Variants in PRH2 observed in about 807,000 individuals in gnomAD.
PRH2 encodes salivary acidic proline-rich phosphoprotein 1/2.
A neutral mutation model predicts 22.6 loss-of-function variants in PRH2; 19 were observed. That is an observed-to-expected ratio of 0.84 (90% CI 0.59 to 1.23). The LOEUF (loss-of-function observed/expected upper bound fraction) is 1.23, where lower values mean the gene tolerates loss of function less well. Among genes scored for constraint, PRH2 ranks in the 50% most tolerant of loss-of-function variants. The probability of loss-of-function intolerance (pLI) is 0.00; values close to 1 mark genes in which losing one functional copy is unlikely to be tolerated. For synonymous variants in PRH2, 45 were observed against 72.0 expected, an observed-to-expected ratio of 0.63 and a Z score of 1.90; for missense variants, 109 against 203.0, an observed-to-expected ratio of 0.54 and a Z score of 2.81.
At chr12:10,931,201 G>C (rs1430079502) in intron 3 of PRH2, 121 bp downstream of exon 3, 5 of 1,525,274 alleles carry the variant, frequency 3.3e-6, no homozygotes, top group Non-Finnish European at 4.4e-6. Context: ...CATTTCTCAT[G>C]AGTTTTGTTC....
chr12:10,931,047 G>C lies in PRH2; in HGVS notation c.486G>C (p.Gly162=), dbSNP rs1293819404. 6.3e-7 allele frequency: 1 copy of C among 1,585,456 alleles called. No homozygotes were observed. The highest frequency in any genetic ancestry group is 8.6e-7 in the Non-Finnish European group (1 of 1,169,480). The change falls in exon 3 of 4, where the codon GGG becomes GGC. Residue 162 remains glycine, a synonymous_variant. Transcript: ENST00000396400. The part of the protein sequence containing the change: ...QGGRPQGPPQ[G]QSPQ ...GCCGCCCACAAGGACCTCCACAGGG[G>C]CAGTCTCCTCAGTAATCTAGGATTC...
At chr12:10,930,525 C>G (rs1256874434) in intron 2 of PRH2, 137 bp from the exon 3 acceptor site, 2 of 1,502,360 alleles carry the variant, frequency 1.3e-6, no homozygotes, top group Non-Finnish European at 1.8e-6. Flanking sequence ...AATTAGGAAG[C>G]CTTGGGAAGG....
intron 3 of PRH2, among the ~76,000 whole-genome samples, 166 bp from the exon 4 acceptor site, chr12:10,932,060 G>A (rs1950221354): frequency 6.6e-6 from 1 of 152,152 alleles, no homozygotes; most frequent in African/African-American, 2.4e-5. Context: ...TACGTGCAAT[G>A]GCATAGAAAG....
Position 10,934,139 on chromosome 12 carries a change from C to T in PRH2, c.*1932C>T, listed in dbSNP as rs1950252632. On this transcript the variant is annotated 3_prime_UTR_variant, in exon 4 of 4. Coordinates refer to ENST00000396400, the MANE Select transcript of PRH2 (RefSeq NM_001110213.1). ...AGGCCTAGTCTTCGAATTTTTAATG[C>T]CATTGTGATAGCAAGCATCTGATTA... 6.6e-6 allele frequency among the ~76,000 whole-genome samples: 1 copy of T among 152,096 alleles called. No homozygotes were observed. The highest frequency in any genetic ancestry group is 6.5e-5 in the Admixed American group (1 of 15,274).
chr12:10,929,907 C>G (rs912359068), intron 1 of PRH2, among the ~76,000 whole-genome samples: 5 of 152,066 alleles, frequency 3.3e-5, no homozygotes, highest in Non-Finnish European at 5.9e-5. Flanking sequence ...TCTGGTGGCT[C>G]CTGTTGAGAA....
Position 10,930,267 on chromosome 12 carries a change from A to G in PRH2, c.65-2A>G. Reference sequence around the variant, plus strand: ...TCCCATCATCCTGTACTTCTTTTCTAGATGTCAGCCAAGAAGACGTTCCCT... The same window carrying G: ...TCCCATCATCCTGTACTTCTTTTCTGGATGTCAGCCAAGAAGACGTTCCCT... On this transcript the variant is annotated splice_acceptor_variant, in intron 1 of 3. Coordinates refer to ENST00000396400, the MANE Select transcript of PRH2 (RefSeq NM_001110213.1). LOFTEE classifies it high-confidence loss of function. 1 of 1,612,888 alleles carries G rather than the reference A, an allele frequency of 6.2e-7. No homozygotes were observed. The highest frequency in any genetic ancestry group is 8.5e-7 in the Non-Finnish European group (1 of 1,178,856).
intron 3 of PRH2, 190 bp downstream of exon 3, chr12:10,931,270 C>G (rs1950208952): frequency 8.0e-7 from 1 of 1,244,106 alleles, no homozygotes; most frequent in Non-Finnish European, 1.1e-6. Context: ...GAAGGCAATT[C>G]CAATTTTGAG....
In PRH2 at chr12:10,932,569, A is replaced by C; in HGVS notation, c.*362A>C. Among the ~76,000 whole-genome samples, 1 of 152,222 alleles carries C rather than the reference A, an allele frequency of 6.6e-6. No homozygotes were observed. Among genetic ancestry groups the C allele is most frequent in the Admixed American group, 6.5e-5 (1 of 15,282 alleles). On this transcript the variant is annotated 3_prime_UTR_variant, in exon 4 of 4. Coordinates refer to ENST00000396400, the MANE Select transcript of PRH2 (RefSeq NM_001110213.1). ...TCCTGATAGTCTAGTCAGCTTATGA[A>C]TGTAAGCAAAACAGGACCAATGAAA...
In PRH2 at chr12:10,932,328, T is replaced by G; in HGVS notation, c.*121T>G. 1 of 348,024 alleles carries G rather than the reference T, an allele frequency of 2.9e-6. No individual in the cohort carries two copies. Among genetic ancestry groups the G allele is most frequent in the African/African-American group, 2.0e-5 (1 of 48,902 alleles). 21.6% of individuals were successfully genotyped at this position (348,024 alleles called of 1,614,324 possible). A position where few individuals can be genotyped will look rare whatever the true frequency, so the allele number is the denominator to read the frequency against. On this transcript the variant is annotated 3_prime_UTR_variant, in exon 4 of 4. Transcript: ENST00000396400. The stretch of plus-strand genomic sequence containing the variant: ...AAAATAATCAGCTTGCAATTTCTGA[T>G]TATAGCATCTCCTTCTGAGTGTTTG...
chr12:10,930,583 G>A (rs1319208396), intron 2 of PRH2, 79 bp from the exon 3 acceptor site: 2 of 1,585,028 alleles, frequency 1.3e-6, no homozygotes, highest in Non-Finnish European at 1.7e-6. Context: ...GGGGCCGGCC[G>A]TGTGGTGAAG....
At position 10,934,121 on chromosome 12, in the gene PRH2, G is replaced by A. The variant is rs1299414761; in HGVS notation, c.*1914G>A. 6.6e-6 allele frequency among the ~76,000 whole-genome samples: 1 copy of A among 152,110 alleles called. No individual in the cohort carries two copies. Among genetic ancestry groups the A allele is most frequent in the Non-Finnish European group, 1.5e-5 (1 of 67,984 alleles). On this transcript the variant is annotated 3_prime_UTR_variant, in exon 4 of 4. Transcript: ENST00000396400. ...ATTCACAAAGGAACCAAAAGGCCTA[G>A]TCTTCGAATTTTTAATGCCATTGTG...
At chr12:10,930,339 C>G (rs1263596514) in intron 2 of PRH2, 35 bp downstream of exon 2, 1 of 1,598,204 alleles carries the variant, frequency 6.3e-7, no homozygotes, top group African/African-American at 1.3e-5. Context: ...AACTCTGTCT[C>G]CATTTTTCCC....
chr12:10,932,123 CA>C, intron 3 of PRH2, 102 bp from the exon 4 acceptor site: 1 of 335,230 alleles, frequency 3.0e-6, no homozygotes, highest in Non-Finnish European at 6.7e-6. Context: ...GGATAGAGGG[CA>C]AAAGGATGGT....
rs945655086 is a variant in PRH2, at chr12:10,933,447, A to G, written c.*1240A>G. Among the ~76,000 whole-genome samples the G allele has an allele frequency of 7.2e-5, 11 of 152,170 alleles. No individual in the cohort carries two copies. The East Asian group carries it at 2.1e-3, about 29-fold the overall frequency. ...CAAGTTCTTGAAAAAAAATTTTTTG[A>G]TATGACTACTCTAACAGTAATAACT... is the stretch of plus-strand genomic sequence containing the variant. On this transcript the variant is annotated 3_prime_UTR_variant, in exon 4 of 4. Transcript: ENST00000396400.
chr12:10,931,305 C>G, intron 3 of PRH2: 3 of 960,328 alleles, frequency 3.1e-6, no homozygotes, highest in Non-Finnish European at 4.5e-6. Flanking sequence ...AATTACCTCT[C>G]TTAAATAGGG....
intron 2 of PRH2, 122 bp downstream of exon 2, chr12:10,930,426 T>A (rs1175935572): frequency 1.4e-6 from 2 of 1,473,244 alleles, no homozygotes; most frequent in East Asian, 2.3e-5. Flanking sequence ...CCCAGAGATA[T>A]AAACAGTTTT....
At chr12:10,929,520 T>C (rs1211757154) in intron 1 of PRH2, among the ~76,000 whole-genome samples, 183 bp downstream of exon 1, 2 of 152,112 alleles carry the variant, frequency 1.3e-5, no homozygotes, top group Admixed American at 6.5e-5. Flanking sequence ...AATTTATTGA[T>C]TGCACAAATA....
At chr12:10,929,426 G>C in intron 1 of PRH2, 89 bp downstream of exon 1, 4 of 1,510,126 alleles carry the variant, frequency 2.6e-6, no homozygotes, top group Non-Finnish European at 3.7e-6. Flanking sequence ...AAGAGAGGAG[G>C]ATGAGAAAAC....
Position 10,933,083 on chromosome 12 carries a change from G to A in PRH2, c.*876G>A, listed in dbSNP as rs909991363. ...AATCCAATAAAATTGGCAAAAGATT[G>A]TGAAAATTCTGGAAGAATAAGGGAA... On this transcript the variant is annotated 3_prime_UTR_variant, in exon 4 of 4. Transcript: ENST00000396400. Among the ~76,000 whole-genome samples the A allele has an allele frequency of 8.5e-5, 13 of 152,116 alleles. No individual in the cohort carries two copies. The highest frequency in any genetic ancestry group is 6.5e-5 in the Admixed American group (1 of 15,270).
Sources: gnomAD v4.1 joint callset for allele counts (sites outside exome capture counted in the v4.1 genomes callset) on GRCh38, gnomAD v4.1.1 for gene constraint, MANE v1.5 for transcripts, NCBI Gene and HGNC (gene_info 2026-07-23, HGNC 2026-07-21) for gene names.